Variants in PPP2R1A observed in about 807,000 individuals in gnomAD.
PPP2R1A encodes serine/threonine-protein phosphatase 2A 65 kDa regulatory subunit A alpha isoform.
A neutral mutation model predicts 67.1 loss-of-function variants in PPP2R1A; 15 were observed. The ratio of observed to expected loss-of-function variants is 0.22; its 90% CI spans 0.15 to 0.34. The LOEUF is 0.34. PPP2R1A is among the 10% of genes least tolerant of loss of function. The pLI is 1.00. For missense variants in PPP2R1A, 369 were observed against 775.0 expected (o/e 0.48, Z 6.22); for synonymous variants, 337 against 325.0 (o/e 1.04, Z -0.40).
Position 52,228,319 on chromosome 19 carries a change from G to A in PPP2R1A, c.*2338G>A, listed in dbSNP as rs10403464. ...TGAAGGATAGCTTGAGTTATTGAAC[G>A]CTGGCAGAGTCCTGAGTTAACCAGG... On this transcript the variant is annotated 3_prime_UTR_variant, in exon 15 of 15. Transcript: ENST00000322088. The A allele has an allele frequency of 0.078, 11,924 of 152,194 alleles. 497 individuals carry two copies. Among genetic ancestry groups the A allele is most frequent in the African/African-American group, 0.093 (3,871 of 41,522 alleles). The allele number at this position is 152,194 out of a possible 1,614,324, so 9.4% of individuals were successfully genotyped here.
intron 3 of PPP2R1A, among the ~76,000 whole-genome samples, chr19:52,210,722 G>C (rs1162101489): frequency 6.6e-6 from 1 of 152,084 alleles, no homozygotes. Flanking sequence ...TTGAACTCCT[G>C]ACCTCGTGAT....
At chr19:52,222,400 C>T in intron 13 of PPP2R1A, 159 bp downstream of exon 13, 4 of 1,114,320 alleles carry the variant, frequency 3.6e-6, no homozygotes, top group Non-Finnish European at 4.9e-6. Context: ...GTTTTCTCAA[C>T]TGTAAAATGA....
rs1978795831 is a variant in PPP2R1A at position 52,219,635 on chromosome 19, G to C, written c.1129-56G>C. 6 of 1,530,406 alleles carry C rather than the reference G, an allele frequency of 3.9e-6. No homozygotes were observed. Among genetic ancestry groups the C allele is most frequent in the Non-Finnish European group, 5.4e-6 (6 of 1,120,312 alleles). 94.8% of individuals were successfully genotyped at this position (1,530,406 alleles called of 1,614,324 possible). On this transcript the variant is annotated intron_variant, in intron 9 of 14. Coordinates refer to ENST00000322088, the MANE Select transcript of PPP2R1A (RefSeq NM_014225.6). This position sits in a 1 kb window ranked among gnomAD's most constrained non-coding sequence, Gnocchi z 4.0. ...GATGCAGCTGAGCTCTTTCCATCCT[G>C]TCCTGGGTTGCTGTGTGCATTGCAT... is the stretch of plus-strand genomic sequence containing the variant.
chr19:52,213,156 C>T lies in PPP2R1A; in HGVS notation c.807+46C>T, dbSNP rs2089689401. On this transcript the variant is annotated intron_variant, in intron 6 of 14. Coordinates refer to ENST00000322088, the MANE Select transcript of PPP2R1A (RefSeq NM_014225.6). The surrounding 1 kb of genome is among the most constrained non-coding windows in gnomAD (Gnocchi z 4.2). Reference sequence around the variant, plus strand: ...ATTGTCCCACTGGTGGGGACACTGACACTCTCAGAAGGGAAGCATATAGGA... The same window carrying T: ...ATTGTCCCACTGGTGGGGACACTGATACTCTCAGAAGGGAAGCATATAGGA... 1 of 1,507,878 alleles carries T rather than the reference C, an allele frequency of 6.6e-7. No homozygotes were observed. The highest frequency in any genetic ancestry group is 8.8e-7 in the Non-Finnish European group (1 of 1,135,412). 93.4% of individuals were successfully genotyped at this position (1,507,878 alleles called of 1,614,324 possible). A position where few individuals can be genotyped will look rare whatever the true frequency, so the allele number is the denominator to read the frequency against.
Position 52,193,754 on chromosome 19 carries a change from G to C in PPP2R1A, c.78+3580G>C, listed in dbSNP as rs559617013. ...CCAGCTAATTTTTGTATTTTTAGTAGAGAGTGGGTTTCACCATGTTGGCCA... is the reference window on the plus strand; with the variant it reads ...CCAGCTAATTTTTGTATTTTTAGTACAGAGTGGGTTTCACCATGTTGGCCA... On this transcript the variant is annotated intron_variant, in intron 1 of 14. Coordinates refer to ENST00000322088, the MANE Select transcript of PPP2R1A (RefSeq NM_014225.6). Among the ~76,000 whole-genome samples the C allele has an allele frequency of 2.6e-5, 4 of 152,106 alleles. No homozygotes were observed. The South Asian group carries it at 8.3e-4, about 32-fold the overall frequency.
rs1978603326 is a variant in PPP2R1A at position 52,216,842 on chromosome 19, A to T, written c.1128+179A>T. Among the ~76,000 whole-genome samples, 1 of 151,944 alleles carries T rather than the reference A, an allele frequency of 6.6e-6. No homozygotes were observed. Among genetic ancestry groups the T allele is most frequent in the South Asian group, 2.1e-4 (1 of 4,814 alleles). On this transcript the variant is annotated intron_variant, in intron 9 of 14. Transcript: ENST00000322088. The surrounding 1 kb of genome is among the most constrained non-coding windows in gnomAD (Gnocchi z 4.3). ...TGTTCATGCGTTCATTCCTCCAGGC[A>T]CTCTTCATGAGGCCTTTCCTGGACA...
chr19:52,200,832 G>A (rs2089539956), intron 1 of PPP2R1A, among the ~76,000 whole-genome samples: 1 of 152,210 alleles, frequency 6.6e-6, no homozygotes, highest in South Asian at 2.1e-4. Context: ...CTTCCTTTCT[G>A]TCTCTTAGAA....
At chr19:52,193,624 C>T (rs1355997807) in intron 1 of PPP2R1A, among the ~76,000 whole-genome samples, 1 of 152,062 alleles carries the variant, frequency 6.6e-6, no homozygotes, top group Admixed American at 6.6e-5. Context: ...CTCACTCTGT[C>T]GTCCAGGCCG....
At chr19:52,210,549 G>A (rs1483669585) in intron 3 of PPP2R1A, among the ~76,000 whole-genome samples, 2 of 149,062 alleles carry the variant, frequency 1.3e-5, no homozygotes, top group Non-Finnish European at 3.0e-5. Context: ...CTGGAGTGCA[G>A]TGGTGCGATC....
At chr19:52,221,435 G>A (rs1978921939) in intron 12 of PPP2R1A, among the ~76,000 whole-genome samples, 1 of 152,166 alleles carries the variant, frequency 6.6e-6, no homozygotes, top group Non-Finnish European at 1.5e-5. Context: ...CCTGAGAAAT[G>A]TGTGTCTCTA....
rs1292176895 is a variant in PPP2R1A at position 52,225,760 on chromosome 19, C to G, written c.1705C>G (p.Gln569Glu). ...CAAGCCCATCCTAGAGAAGCTGACCCAGGACCAGGATGTGGACGTCAAATA... is the reference window on the plus strand; with the variant it reads ...CAAGCCCATCCTAGAGAAGCTGACCGAGGACCAGGATGTGGACGTCAAATA... ...EVKPILEKLTQDQDVDVKYFA... is the reference protein window; with the variant it reads ...EVKPILEKLTEDQDVDVKYFA... Residue 569 changes from glutamine to glutamate, a missense_variant, in exon 14 of 15, where the codon CAG becomes GAG. By Grantham distance (29) the Gln-to-Glu change is conservative. Transcript: ENST00000322088. 1 of 1,614,080 alleles carries G rather than the reference C, an allele frequency of 6.2e-7. No homozygotes were observed. The highest frequency in any genetic ancestry group is 8.5e-7 in the Non-Finnish European group (1 of 1,180,050).
In PPP2R1A at chr19:52,216,179, C is replaced by T; in HGVS notation, c.993+105C>T. The T allele has an allele frequency of 8.0e-7, 1 of 1,252,084 alleles. No individual in the cohort carries two copies. The highest frequency in any genetic ancestry group is 2.4e-5 in the East Asian group (1 of 42,054). 77.6% of individuals were successfully genotyped at this position (1,252,084 alleles called of 1,614,324 possible). A position where few individuals can be genotyped will look rare whatever the true frequency, so the allele number is the denominator to read the frequency against. Reference sequence around the variant, plus strand: ...AGTCAGCTGCAAACTAGGTTCCCAGCCCTCTGGGACCAGGCAGCTCTTGGG... The same window carrying T: ...AGTCAGCTGCAAACTAGGTTCCCAGTCCTCTGGGACCAGGCAGCTCTTGGG... On this transcript the variant is annotated intron_variant, in intron 8 of 14. Coordinates refer to ENST00000322088, the MANE Select transcript of PPP2R1A (RefSeq NM_014225.6). This position sits in a 1 kb window ranked among gnomAD's most constrained non-coding sequence, Gnocchi z 4.3.
chr19:52,211,379 G>A lies in PPP2R1A; in HGVS notation c.390G>A (p.Pro130=), dbSNP rs768939238. ...SPSDLEAHFV[P]LVKRLAGGDW... is the part of the protein sequence containing the mutation. ...CTGACCTGGAGGCGCACTTTGTGCC[G>A]CTAGTGAAGCGGCTGGCGGGCGGCG... Residue 130 remains proline (P), a synonymous_variant, in exon 4 of 15, where the codon CCG becomes CCA. Transcript: ENST00000322088. The surrounding 1 kb of genome is among the most constrained non-coding windows in gnomAD (Gnocchi z 5.3). The A allele has an allele frequency of 1.5e-5, 24 of 1,614,072 alleles. No individual in the cohort carries two copies. The highest frequency in any genetic ancestry group is 1.6e-4 in the Middle Eastern group (1 of 6,082).
intron 2 of PPP2R1A, among the ~76,000 whole-genome samples, chr19:52,203,136 G>C (rs2089568328): frequency 6.6e-6 from 1 of 152,176 alleles, no homozygotes; most frequent in Admixed American, 6.5e-5. Context: ...TCCTGGGGAG[G>C]AAGGAGCTTG....
At position 52,219,823 on chromosome 19, in the gene PPP2R1A, C is replaced by G; in HGVS notation, c.1261C>G (p.Leu421Val). The change falls in exon 10 of 15, where the codon CTG becomes GTG. Residue 421 changes from leucine to valine, a missense_variant. Coordinates refer to ENST00000322088, the MANE Select transcript of PPP2R1A (RefSeq NM_014225.6). The surrounding 1 kb of genome is among the most constrained non-coding windows in gnomAD (Gnocchi z 4.0). ...TGAGGACGCCAAGTGGCGGGTGCGG[C>G]TGGCCATCATTGAGTACATGCCCCT... ...LAEDAKWRVR[L>V]AIIEYMPLLA... is the part of the protein sequence containing the mutation. 1 of 1,612,622 alleles carries G rather than the reference C, an allele frequency of 6.2e-7. No homozygotes were observed. The highest frequency in any genetic ancestry group is 8.5e-7 in the Non-Finnish European group (1 of 1,179,914).
chr19:52,192,773 T>C (rs1294944229), intron 1 of PPP2R1A, among the ~76,000 whole-genome samples: 1 of 152,114 alleles, frequency 6.6e-6, no homozygotes, highest in African/African-American at 2.4e-5. Flanking sequence ...CTAAAGAATA[T>C]TGCAAAGGAT....
chr19:52,206,269 T>C (rs17769346), intron 3 of PPP2R1A, among the ~76,000 whole-genome samples: 5,104 of 152,280 alleles, frequency 0.034, 116 homozygotes, highest in Middle Eastern at 0.075. Context: ...TTCTGTTTAG[T>C]GGTCAGGTAG....
chr19:52,216,802 G>C lies in PPP2R1A; in HGVS notation c.1128+139G>C. 7.4e-7 allele frequency: 1 copy of C among 1,349,684 alleles called. No homozygotes were observed. The allele number at this position is 1,349,684 out of a possible 1,614,324, so 83.6% of individuals were successfully genotyped here. On this transcript the variant is annotated intron_variant, in intron 9 of 14. Transcript: ENST00000322088. This position sits in a 1 kb window ranked among gnomAD's most constrained non-coding sequence, Gnocchi z 4.3. ...CAGATCTTTGCTGAGTTGCATGTTT[G>C]TGGGCATAGCTGTGTGTTCATGCGT...
rs1165808988 is a variant in PPP2R1A, at chr19:52,216,537, G to C, written c.1002G>C (p.Val334=). Residue 334 remains valine, a synonymous_variant, in exon 9 of 15, where the codon GTG becomes GTC. Transcript: ENST00000322088. The surrounding 1 kb of genome is among the most constrained non-coding windows in gnomAD (Gnocchi z 4.3). Reference sequence around the variant, plus strand: ...CCTCTTCTCTCTCCCAGGAGCTGGTGTCCGATGCCAACCAACATGTCAAGT... The same window carrying C: ...CCTCTTCTCTCTCCCAGGAGCTGGTCTCCGATGCCAACCAACATGTCAAGT... ...SQILPCIKEL[V]SDANQHVKSA... is the part of the protein sequence containing the mutation. The C allele has an allele frequency of 1.5e-5, 25 of 1,614,048 alleles. No individual in the cohort carries two copies. The Admixed American group carries it at 4.2e-4, about 27-fold the overall frequency.
Sources: allele counts gnomAD v4.1 joint callset (sites outside exome capture counted in the v4.1 genomes callset), GRCh38; gene constraint gnomAD v4.1.1; non-coding constraint Gnocchi (gnomAD v3.1); transcripts MANE v1.5; gene names NCBI Gene and HGNC (gene_info 2026-07-23, HGNC 2026-07-21).